Variants in NUP188 observed in about 807,000 individuals in gnomAD.
The protein encoded by NUP188 is nucleoporin 188, also known as nucleoporin NUP188.
Under a neutral mutation model 223.0 loss-of-function variants are expected in NUP188, and 97 were observed. The ratio of observed to expected loss-of-function variants is 0.43; its 90% CI spans 0.37 to 0.51. The LOEUF is 0.51. Among genes scored for constraint, NUP188 ranks in the 20% least tolerant of loss-of-function variants. The pLI, the probability that NUP188 is intolerant of heterozygous loss-of-function variation, is 0.00. For synonymous variants in NUP188, 869 were observed against 828.0 expected (o/e 1.05, Z -0.85); for missense variants, 1,947 against 2,175.6 (o/e 0.89, Z 2.09).
At position 129,005,869 on chromosome 9, in the gene NUP188, C is replaced by A. The variant is rs1235607358; in HGVS notation, c.4869+93C>A. 7 of 1,491,116 alleles carry A rather than the reference C, an allele frequency of 4.7e-6. No homozygotes were observed. The Middle Eastern group carries it at 6.9e-4, about 148-fold the overall frequency. The allele number at this position is 1,491,116 out of a possible 1,614,324, so 92.4% of individuals were successfully genotyped here. ...GACCTTGGGCATGTTGGGCATGGTACCTAGCCTCCCAAGCCTGCTCCTCTC... is the reference window on the plus strand; with the variant it reads ...GACCTTGGGCATGTTGGGCATGGTAACTAGCCTCCCAAGCCTGCTCCTCTC... On this transcript the variant is annotated intron_variant, in intron 41 of 43. Transcript: ENST00000372577.
intron 3 of NUP188, among the ~76,000 whole-genome samples, chr9:128,953,938 G>A (rs919280661): frequency 2.0e-5 from 3 of 150,852 alleles, no homozygotes; most frequent in African/African-American, 7.3e-5. Context: ...CAAGTGATTC[G>A]CTTGCCTTGG....
chr9:128,963,881 A>G (rs1841991200), intron 8 of NUP188, among the ~76,000 whole-genome samples: 1 of 150,934 alleles, frequency 6.6e-6, no homozygotes, highest in African/African-American at 2.4e-5. Flanking sequence ...CAGTGGCACG[A>G]TCTTGGCTCA....
intron 30 of NUP188, among the ~76,000 whole-genome samples, chr9:128,997,532 C>G (rs1842549697): frequency 6.6e-6 from 1 of 152,144 alleles, no homozygotes; most frequent in Admixed American, 6.5e-5. Flanking sequence ...CTATGTTGAT[C>G]AGGTTGGAGT....
At chr9:128,969,054 A>G (rs1243032216) in intron 9 of NUP188, among the ~76,000 whole-genome samples, 2 of 152,226 alleles carry the variant, frequency 1.3e-5, no homozygotes, top group African/African-American at 2.4e-5. Flanking sequence ...CTTCTCTTTC[A>G]GGTGATAGTC....
chr9:128,983,365 C>T lies in NUP188; in HGVS notation c.1869C>T (p.Ala623=). The change falls in exon 18 of 44, where the codon GCC becomes GCT. Residue 623 remains alanine (A), a synonymous_variant. Transcript: ENST00000372577. Reference sequence around the variant, plus strand: ...TCAACTGCTTAACTGTTTTGGCTGCCCGCAATCCAGCAAAGGTGAGATGCC... The same window carrying T: ...TCAACTGCTTAACTGTTTTGGCTGCTCGCAATCCAGCAAAGGTGAGATGCC... ...SCVNCLTVLA[A]RNPAKVWTDL... is the part of the protein sequence containing the mutation. The T allele has an allele frequency of 1.2e-6, 2 of 1,614,158 alleles. No individual in the cohort carries two copies. Among genetic ancestry groups the T allele is most frequent in the Non-Finnish European group, 1.7e-6 (2 of 1,180,022 alleles).
intron 2 of NUP188, among the ~76,000 whole-genome samples, chr9:128,950,091 T>A (rs965586955): frequency 2.0e-5 from 3 of 151,674 alleles, no homozygotes; most frequent in African/African-American, 7.3e-5. Flanking sequence ...CCCTGCTGAT[T>A]TTTATATTTT....
In NUP188 at chr9:129,006,228, TCTC is replaced by T. The variant is rs1174371919; in HGVS notation, c.4944-6_4944-4del. On this transcript the variant is annotated splice_polypyrimidine_tract_variant and splice_region_variant and intron_variant, in intron 42 of 43. Coordinates refer to ENST00000372577, the MANE Select transcript of NUP188 (RefSeq NM_015354.3). ...TCTGCAGCAGTACCAAAAACCTGTG[TCTC>T]CTCCCAGGTCCCTCCTGATGTTTAC... The T allele has an allele frequency of 1.9e-6, 3 of 1,613,994 alleles. No homozygotes were observed. The highest frequency in any genetic ancestry group is 2.5e-6 in the Non-Finnish European group (3 of 1,180,028).
At chr9:128,982,749 A>C (rs1278774980) in intron 16 of NUP188, 48 bp downstream of exon 16, 1 of 1,603,776 alleles carries the variant, frequency 6.2e-7, no homozygotes, top group Non-Finnish European at 8.5e-7. Flanking sequence ...AAAAGTGGAT[A>C]TGCTTGGAGG....
intron 20 of NUP188, 189 bp downstream of exon 20, chr9:128,985,203 A>G (rs41275936): frequency 5.9e-6 from 3 of 505,454 alleles, no homozygotes; most frequent in Non-Finnish European, 7.1e-6. Context: ...TATGTACTCT[A>G]TTAGGTGCTT....
chr9:128,974,100 G>A (rs1842138817), intron 12 of NUP188, among the ~76,000 whole-genome samples: 1 of 151,818 alleles, frequency 6.6e-6, no homozygotes, highest in African/African-American at 2.4e-5. Context: ...TGGTAGAGAC[G>A]GGGTTTCACC....
chr9:129,002,455 A>G (rs527488827), intron 36 of NUP188, among the ~76,000 whole-genome samples: 6 of 152,348 alleles, frequency 3.9e-5, no homozygotes, highest in African/African-American at 1.4e-4. Flanking sequence ...TAATTTCAAA[A>G]GAGTAGTCTT....
chr9:128,959,685 A>G (rs1043065324), intron 8 of NUP188, among the ~76,000 whole-genome samples: 1 of 151,492 alleles, frequency 6.6e-6, no homozygotes, highest in Admixed American at 6.6e-5. Context: ...GGCACCTGCC[A>G]CCACGCCCAG....
intron 20 of NUP188, chr9:128,985,288 C>A: frequency 3.3e-6 from 1 of 299,200 alleles, no homozygotes; most frequent in Non-Finnish European, 6.2e-6. Flanking sequence ...ATTGCAGTTA[C>A]TATCAAGCTA....
At chr9:128,983,058 C>A (rs764851743) in intron 17 of NUP188, 30 bp downstream of exon 17, 6 of 1,611,936 alleles carry the variant, frequency 3.7e-6, no homozygotes, top group Non-Finnish European at 4.2e-6. Context: ...CCCTCAGCTG[C>A]CCAGTAGAGA....
chr9:128,970,701 C>T (rs1413139346), intron 10 of NUP188, 57 bp from the exon 11 acceptor site: 11 of 1,448,676 alleles, frequency 7.6e-6, no homozygotes, highest in South Asian at 3.5e-5. Flanking sequence ...AGAATCTGGT[C>T]GAGGGATATT....
intron 11 of NUP188, among the ~76,000 whole-genome samples, chr9:128,971,366 CTT>C (rs1424537234): frequency 6.6e-6 from 1 of 152,138 alleles, no homozygotes; most frequent in African/African-American, 2.4e-5. Flanking sequence ...TAGAAATTCT[CTT>C]GAGTCTTATG....
At position 129,006,963 on chromosome 9, in the gene NUP188, C is replaced by T. The variant is rs940085398; in HGVS notation, c.*285C>T. 1.5e-5 allele frequency: 5 copies of T among 342,190 alleles called. No homozygotes were observed. The highest frequency in any genetic ancestry group is 2.1e-5 in the African/African-American group (1 of 47,112). 21.2% of individuals were successfully genotyped at this position (342,190 alleles called of 1,614,324 possible). On this transcript the variant is annotated 3_prime_UTR_variant, in exon 44 of 44. Coordinates refer to ENST00000372577, the MANE Select transcript of NUP188 (RefSeq NM_015354.3). ...TTTCCAGCATTCCCCACAGCACTGCCGGCCAGGGGAGAGGCGGCAGCCCAG... is the reference window on the plus strand; with the variant it reads ...TTTCCAGCATTCCCCACAGCACTGCTGGCCAGGGGAGAGGCGGCAGCCCAG...
At chr9:128,971,653 C>T (rs781685868) in intron 11 of NUP188, among the ~76,000 whole-genome samples, 2 of 152,114 alleles carry the variant, frequency 1.3e-5, no homozygotes, top group Admixed American at 6.6e-5. Flanking sequence ...CTCCTGACCT[C>T]GTGATCCACC....
At chr9:128,956,221 GTT>G (rs1021436430) in intron 3 of NUP188, 127 bp from the exon 4 acceptor site, 10 of 514,226 alleles carry the variant, frequency 1.9e-5, no homozygotes, top group South Asian at 1.4e-4. Context: ...GCGTGTGTGT[GTT>G]TGTGTGTGTG....
Sources: allele counts gnomAD v4.1 joint callset (sites outside exome capture counted in the v4.1 genomes callset), GRCh38; gene constraint gnomAD v4.1.1; transcripts MANE v1.5; gene names NCBI Gene and HGNC (gene_info 2026-07-23, HGNC 2026-07-21).